NELL2: variants seen among roughly 807,000 people sequenced by gnomAD.
The protein encoded by NELL2 is neural EGFL like 2, also known as protein kinase C-binding protein NELL2.
A neutral mutation model predicts 109.6 loss-of-function variants in NELL2; 41 were observed. The observed-to-expected ratio is 0.37, with a 90% CI of 0.29 to 0.49. The LOEUF (loss-of-function observed/expected upper bound fraction) is 0.49, where lower values mean the gene tolerates loss of function less well. Among genes scored for constraint, NELL2 ranks in the 20% least tolerant of loss-of-function variants. The probability of loss-of-function intolerance (pLI) is 0.98; values close to 1 mark genes in which losing one functional copy is unlikely to be tolerated. For synonymous variants in NELL2, 355 were observed against 344.7 expected (o/e 1.03, Z -0.33); for missense variants, 900 against 1,008.3 (o/e 0.89, Z 1.45).
At chr12:44,513,449 G>A (rs1941090754) in intron 19 of NELL2, among the ~76,000 whole-genome samples, 1 of 151,888 alleles carries the variant, frequency 6.6e-6, no homozygotes, top group Non-Finnish European at 1.5e-5. Flanking sequence ...AATGGAAAAT[G>A]ACTCGAAGAT....
chr12:44,901,080 A>C (rs1945654882), intron 1 of NELL2, among the ~76,000 whole-genome samples: 1 of 152,280 alleles, frequency 6.6e-6, no homozygotes, highest in Non-Finnish European at 1.5e-5. Context: ...AGAGATATGA[A>C]AAAGACTTCA....
chr12:44,918,190 T>C (rs1945842724), upstream of NELL2, among the ~76,000 whole-genome samples: 2 of 152,188 alleles, frequency 1.3e-5, 1 homozygote, highest in African/African-American at 4.8e-5. Flanking sequence ...GTGGTAGTGG[T>C]GGAAATGATA....
chr12:44,571,775 GATAA>G (rs1037601269), intron 15 of NELL2, among the ~76,000 whole-genome samples: 11 of 152,182 alleles, frequency 7.2e-5, no homozygotes, highest in Admixed American at 2.0e-4. Flanking sequence ...ATGACGATAA[GATAA>G]ATAAACTGCA....
At chr12:44,614,574 G>A (rs1304549163) in intron 13 of NELL2, among the ~76,000 whole-genome samples, 1 of 152,006 alleles carries the variant, frequency 6.6e-6, no homozygotes, top group Non-Finnish European at 1.5e-5. Flanking sequence ...ATACACAGTT[G>A]GATGCATCTA....
intron 15 of NELL2, among the ~76,000 whole-genome samples, chr12:44,577,256 T>C (rs1227413181): frequency 3.7e-5 from 4 of 109,346 alleles, no homozygotes; most frequent in Non-Finnish European, 5.4e-5. Flanking sequence ...TGTGAGATGG[T>C]ATCTCATTGT....
chr12:44,903,940 G>T (rs2136884281), intron 1 of NELL2, among the ~76,000 whole-genome samples: 1 of 152,168 alleles, frequency 6.6e-6, no homozygotes, highest in Non-Finnish European at 1.5e-5. Flanking sequence ...TAATGTAGAT[G>T]ATGGGTTGAT....
chr12:44,616,477 G>T (rs571932846), intron 13 of NELL2, among the ~76,000 whole-genome samples: 3 of 152,006 alleles, frequency 2.0e-5, no homozygotes, highest in Admixed American at 6.6e-5. Context: ...ACCTCTAGTC[G>T]TAACTATCAT....
chr12:44,786,090 C>T (rs1040626332), intron 3 of NELL2, among the ~76,000 whole-genome samples: 1 of 152,066 alleles, frequency 6.6e-6, no homozygotes, highest in African/African-American at 2.4e-5. Flanking sequence ...AGTGAATAGG[C>T]AACCTACAGA....
intron 15 of NELL2, among the ~76,000 whole-genome samples, chr12:44,599,398 C>T (rs966861515): frequency 2.6e-5 from 4 of 151,570 alleles, no homozygotes; most frequent in African/African-American, 9.7e-5. Flanking sequence ...GAAAAAAGAA[C>T]CAAAAGATAT....
intron 2 of NELL2, among the ~76,000 whole-genome samples, chr12:44,845,831 C>A (rs1944352917): frequency 6.6e-6 from 1 of 152,104 alleles, no homozygotes; most frequent in South Asian, 2.1e-4. Context: ...TCCTGAAGAG[C>A]CTGAAGCAGC....
chr12:44,891,388 C>G (rs921861052), intron 1 of NELL2, among the ~76,000 whole-genome samples: 3 of 152,164 alleles, frequency 2.0e-5, no homozygotes, highest in African/African-American at 7.2e-5. Context: ...CAATATGCAC[C>G]TTCTAATAAT....
At chr12:44,671,849 A>G (rs766983974) in intron 12 of NELL2, among the ~76,000 whole-genome samples, 1 of 152,228 alleles carries the variant, frequency 6.6e-6, no homozygotes, top group Non-Finnish European at 1.5e-5. Context: ...TGAAAGCCAT[A>G]GTAGGAGTCC....
At chr12:44,887,474 G>A (rs902377243) in intron 1 of NELL2, among the ~76,000 whole-genome samples, 1 of 151,794 alleles carries the variant, frequency 6.6e-6, no homozygotes, top group Non-Finnish European at 1.5e-5. Flanking sequence ...TTAACTGGGG[G>A]GAGACACCAA....
At chr12:44,549,355 T>C (rs1044611613) in intron 15 of NELL2, among the ~76,000 whole-genome samples, 1 of 152,004 alleles carries the variant, frequency 6.6e-6, no homozygotes, top group African/African-American at 2.4e-5. Context: ...GCTGGTTGGA[T>C]AGAATTAACA....
chr12:44,838,899 G>C (rs1379220180), intron 2 of NELL2, among the ~76,000 whole-genome samples: 1 of 152,178 alleles, frequency 6.6e-6, no homozygotes, highest in African/African-American at 2.4e-5. Flanking sequence ...ACAACTGTAA[G>C]TGAGTTCATC....
intron 1 of NELL2, 162 bp downstream of exon 1, chr12:44,875,652 CA>C: frequency 6.3e-7 from 1 of 1,577,124 alleles, no homozygotes; most frequent in Admixed American, 2.0e-5. Flanking sequence ...CCAAGGCAAG[CA>C]CAGAAAAAAA....
intron 2 of NELL2, among the ~76,000 whole-genome samples, chr12:44,865,852 A>T (rs1457446842): frequency 6.6e-6 from 1 of 152,002 alleles, no homozygotes. Flanking sequence ...TAACAAATTT[A>T]AAAATAATGA....
upstream of NELL2, among the ~76,000 whole-genome samples, chr12:44,918,576 T>C (rs1402449398): frequency 7.0e-6 from 1 of 143,634 alleles, no homozygotes; most frequent in African/African-American, 2.5e-5. Flanking sequence ...TAGAATCTCC[T>C]GCCAATCAGA....
At chr12:44,571,654 T>C (rs1279342615) in intron 15 of NELL2, among the ~76,000 whole-genome samples, 2 of 152,222 alleles carry the variant, frequency 1.3e-5, no homozygotes, top group Admixed American at 1.3e-4. Flanking sequence ...ATTTCATATT[T>C]GGTAAATACC....
Sources: gnomAD v4.1 joint callset for allele counts (sites outside exome capture counted in the v4.1 genomes callset) on GRCh38, gnomAD v4.1.1 for gene constraint, MANE v1.5 for transcripts, NCBI Gene and HGNC (gene_info 2026-07-23, HGNC 2026-07-21) for gene names.